Variants in JARID2 observed in about 807,000 individuals in gnomAD.
JARID2 encodes the protein jumonji and AT-rich interaction domain containing 2, also known as protein Jumonji.
A neutral mutation model predicts 125.6 loss-of-function variants in JARID2; 21 were observed. The ratio of observed to expected loss-of-function variants is 0.17; its 90% CI spans 0.12 to 0.24. JARID2 has a LOEUF of 0.24. JARID2 is among the 10% of genes least tolerant of loss of function. The probability of loss-of-function intolerance (pLI) is 1.00; values close to 1 mark genes in which losing one functional copy is unlikely to be tolerated. For missense variants in JARID2, 1,303 were observed against 1,639.6 expected, an observed-to-expected ratio of 0.79 and a Z score of 3.55; for synonymous variants, 736 against 661.6, an observed-to-expected ratio of 1.11 and a Z score of -1.73.
intron 3 of JARID2, among the ~76,000 whole-genome samples, chr6:15,428,170 G>T (rs1297548843): frequency 1.3e-5 from 2 of 151,868 alleles, no homozygotes; most frequent in East Asian, 3.9e-4. Flanking sequence ...TGGTAAGTGG[G>T]TTTTTTTCTA....
At chr6:15,308,879 T>C (rs1469156120) in intron 1 of JARID2, among the ~76,000 whole-genome samples, 1 of 152,164 alleles carries the variant, frequency 6.6e-6, no homozygotes, top group Non-Finnish European at 1.5e-5. Flanking sequence ...TATAGGAAAA[T>C]TTAATCATGG....
At chr6:15,309,035 C>T (rs992564649) in intron 1 of JARID2, among the ~76,000 whole-genome samples, 3 of 152,208 alleles carry the variant, frequency 2.0e-5, no homozygotes, top group Non-Finnish European at 2.9e-5. Flanking sequence ...GTCAGGATTA[C>T]TTCCTGTCTC....
chr6:15,424,584 G>A (rs1355497358), intron 3 of JARID2, among the ~76,000 whole-genome samples: 16 of 152,128 alleles, frequency 1.1e-4, no homozygotes, highest in African/African-American at 1.9e-4. Flanking sequence ...TTGGCCAGGC[G>A]TGGTGGCTCA....
intron 2 of JARID2, among the ~76,000 whole-genome samples, chr6:15,405,031 G>A (rs1157628897): frequency 6.6e-6 from 1 of 151,936 alleles, no homozygotes; most frequent in Admixed American, 6.6e-5. Context: ...CCATACATTT[G>A]TGTTCTGAAA....
At chr6:15,316,246 A>T (rs1762175911) in intron 1 of JARID2, among the ~76,000 whole-genome samples, 1 of 151,872 alleles carries the variant, frequency 6.6e-6, no homozygotes, top group African/African-American at 2.4e-5. Flanking sequence ...CAGCCTCCCT[A>T]GTAGCTGGGA....
intron 6 of JARID2, 132 bp from the exon 7 acceptor site, chr6:15,496,000 C>T (rs1033887771): frequency 1.2e-5 from 9 of 737,600 alleles, no homozygotes; most frequent in Admixed American, 4.7e-5. Context: ...CACATCTCTT[C>T]TTATCACACT....
intron 2 of JARID2, among the ~76,000 whole-genome samples, chr6:15,379,766 A>G (rs1764507888): frequency 6.6e-6 from 1 of 152,178 alleles, no homozygotes; most frequent in Non-Finnish European, 1.5e-5. Context: ...AGGTGAGGAA[A>G]CTATATACTA....
At chr6:15,397,365 C>G (rs1279988917) in intron 2 of JARID2, among the ~76,000 whole-genome samples, 1 of 152,174 alleles carries the variant, frequency 6.6e-6, no homozygotes, top group Non-Finnish European at 1.5e-5. Flanking sequence ...GTGAAATTCT[C>G]TGGCACCATA....
At chr6:15,480,328 A>G (rs1561892324) in intron 5 of JARID2, among the ~76,000 whole-genome samples, 1 of 152,068 alleles carries the variant, frequency 6.6e-6, no homozygotes, top group Admixed American at 6.6e-5. Flanking sequence ...TTCTCTTTCA[A>G]GGAGGTTAGG....
chr6:15,404,906 GC>G (rs772788990), intron 2 of JARID2, among the ~76,000 whole-genome samples: 1 of 152,148 alleles, frequency 6.6e-6, no homozygotes, highest in Non-Finnish European at 1.5e-5. Flanking sequence ...TGTATGTGTA[GC>G]TAATGAGAGA....
chr6:15,401,795 A>C (rs898668195), intron 2 of JARID2, among the ~76,000 whole-genome samples: 1 of 151,880 alleles, frequency 6.6e-6, no homozygotes, highest in Non-Finnish European at 1.5e-5. Context: ...CCACATTCCT[A>C]TAGTGCTGCT....
intron 1 of JARID2, among the ~76,000 whole-genome samples, chr6:15,285,152 C>T (rs1403736113): frequency 1.6e-5 from 2 of 125,894 alleles, no homozygotes; most frequent in African/African-American, 6.4e-5. Context: ...CTCTTGTTCT[C>T]CAGACTGGAG....
At chr6:15,317,650 C>T (rs537782766) in intron 1 of JARID2, among the ~76,000 whole-genome samples, 16 of 151,968 alleles carry the variant, frequency 1.1e-4, no homozygotes, top group Non-Finnish European at 1.8e-4. Context: ...TCTTGCGTCT[C>T]GGAGGTGCTG....
In JARID2 at chr6:15,275,333, G is replaced by A. The variant is rs1760454903; in HGVS notation, c.45+28749G>A. ...GTTTCCTTTTTTACAAAGGCCATGT[G>A]CACAGCTGTACTTCCAGAATTGGAA... On this transcript the variant is annotated intron_variant, in intron 1 of 17. Coordinates refer to ENST00000341776, the MANE Select transcript of JARID2 (RefSeq NM_004973.4). 2.0e-5 allele frequency among the ~76,000 whole-genome samples: 3 copies of A among 152,116 alleles called. No homozygotes were observed. In the South Asian group the frequency reaches 6.2e-4, roughly 32 times the overall value.
chr6:15,376,284 A>G (rs1764351151), intron 2 of JARID2, among the ~76,000 whole-genome samples: 1 of 152,220 alleles, frequency 6.6e-6, no homozygotes, highest in African/African-American at 2.4e-5. Context: ...ATTGCTGTGA[A>G]TATGCCATTT....
At chr6:15,310,835 C>T (rs1037016608) in intron 1 of JARID2, among the ~76,000 whole-genome samples, 6 of 152,174 alleles carry the variant, frequency 3.9e-5, no homozygotes, top group Non-Finnish European at 8.8e-5. Flanking sequence ...TAAATAATTT[C>T]GTGCCAGAAA....
chr6:15,250,447 GTGGCTT>G (rs1759401670), intron 1 of JARID2, among the ~76,000 whole-genome samples: 1 of 152,016 alleles, frequency 6.6e-6, no homozygotes, highest in African/African-American at 2.4e-5. Context: ...GGATGTTTAC[GTGGCTT>G]TTCAGTTACT....
chr6:15,315,973 C>G (rs1041921993), intron 1 of JARID2, among the ~76,000 whole-genome samples: 8 of 151,452 alleles, frequency 5.3e-5, no homozygotes, highest in African/African-American at 1.7e-4. Flanking sequence ...AAGCTGGAAC[C>G]AAGATTAGAA....
chr6:15,506,369 C>T (rs796121002), intron 9 of JARID2, among the ~76,000 whole-genome samples: 60 of 152,344 alleles, frequency 3.9e-4, no homozygotes, highest in African/African-American at 1.4e-3. Context: ...AGCTTGACTC[C>T]GCCAGGTCGG....
Sources: gnomAD v4.1 joint callset for allele counts (sites outside exome capture counted in the v4.1 genomes callset) on GRCh38, gnomAD v4.1.1 for gene constraint, MANE v1.5 for transcripts, NCBI Gene and HGNC (gene_info 2026-07-23, HGNC 2026-07-21) for gene names.